DNAH5: variants seen among roughly 807,000 people sequenced by gnomAD.
DNAH5 encodes the protein dynein axonemal heavy chain 5.
A neutral mutation model predicts 518.2 loss-of-function variants in DNAH5; 372 were observed. That is an observed-to-expected ratio of 0.72 (90% confidence interval 0.66 to 0.78). The LOEUF (loss-of-function observed/expected upper bound fraction) is 0.78. Among genes scored for constraint, DNAH5 ranks in the 30% least tolerant of loss-of-function variants. The probability of loss-of-function intolerance (pLI) is 0.00; values close to 1 mark genes in which losing one functional copy is unlikely to be tolerated. For synonymous variants in DNAH5, 2,039 were observed against 2,025.9 expected, an observed-to-expected ratio of 1.01 and a Z score of -0.17; for missense variants, 5,523 against 5,687.0, an observed-to-expected ratio of 0.97 and a Z score of 0.93.
chr5:13,786,303 G>A lies in DNAH5; in HGVS notation c.8696C>T (p.Pro2899Leu). 1.2e-6 allele frequency: 2 copies of A among 1,614,020 alleles called. No individual in the cohort carries two copies. Among genetic ancestry groups the A allele is most frequent in the Non-Finnish European group, 1.7e-6 (2 of 1,180,008 alleles). ...ADAETPKIYE[P>L]IESFSHLKER... ...TTTTAGGTGACTAAAAGATTCAATT[G>A]GCTCATAAATTTTAGGTGTTTCAGC... is the stretch of plus-strand genomic sequence containing the variant. The change falls in exon 52 of 79, where the codon CCA (proline) becomes CTA (leucine). Residue 2899 changes from proline to leucine, a missense_variant. Around this residue, in one of 3 missense-constraint regions of DNAH5, gnomAD observed 5,121 missense variants for 5,223.3 expected, o/e 0.98. Transcript: ENST00000265104.
chr5:13,742,930 A>G (rs1221282175), intron 65 of DNAH5, among the ~76,000 whole-genome samples: 1 of 152,080 alleles, frequency 6.6e-6, no homozygotes, highest in East Asian at 1.9e-4. Context: ...AAAAAAAAAT[A>G]GAACAATTGT....
chr5:13,842,161 C>T (rs1019452292), intron 32 of DNAH5, among the ~76,000 whole-genome samples: 4 of 151,794 alleles, frequency 2.6e-5, no homozygotes, highest in Admixed American at 6.6e-5. Flanking sequence ...AGGTGGATCA[C>T]CTGAGGTCTG....
At chr5:13,879,532 G>C (rs551719941) in intron 21 of DNAH5, among the ~76,000 whole-genome samples, 172 of 152,118 alleles carry the variant, frequency 1.1e-3, no homozygotes, top group African/African-American at 4.0e-3. Flanking sequence ...GGGACCATCT[G>C]TAATATTCAT....
intron 49 of DNAH5, 27 bp from the exon 50 acceptor site, chr5:13,792,244 TG>T: frequency 6.3e-7 from 1 of 1,577,638 alleles, no homozygotes; most frequent in South Asian, 1.1e-5. Context: ...TACAGCATTT[TG>T]ATTAGCCATT....
At chr5:13,941,115 G>C (rs1779421362) in intron 1 of DNAH5, among the ~76,000 whole-genome samples, 1 of 152,200 alleles carries the variant, frequency 6.6e-6, no homozygotes, top group Admixed American at 6.5e-5. Flanking sequence ...CACTTTGGGA[G>C]GCTGAGGCGG....
chr5:13,940,941 T>C lies in DNAH5; in HGVS notation c.57+3441A>G, dbSNP rs140135263. On this transcript the variant is annotated intron_variant, in intron 1 of 78. Transcript: ENST00000265104. The stretch of plus-strand genomic sequence containing the variant: ...TACAAAGTAGGCATCCAAGAGAGAT[T>C]TGTGGAATGGATAAGTTTTGCACAT... Among the ~76,000 whole-genome samples the C allele has an allele frequency of 5.0e-3, 768 of 152,342 alleles. 3 individuals carry two copies. The highest frequency in any genetic ancestry group is 7.2e-3 in the Non-Finnish European group (493 of 68,032).
At chr5:13,954,052 G>A (rs905437267) in intron 1 of DNAH5, among the ~76,000 whole-genome samples, 3 of 152,100 alleles carry the variant, frequency 2.0e-5, no homozygotes, top group Non-Finnish European at 2.9e-5. Context: ...GACCCTAAAG[G>A]TCAAACCTGG....
At chr5:13,723,365 T>G (rs1260206367) in intron 70 of DNAH5, among the ~76,000 whole-genome samples, 2 of 152,198 alleles carry the variant, frequency 1.3e-5, no homozygotes, top group Non-Finnish European at 2.9e-5. Flanking sequence ...CAGTTGCAGC[T>G]GTTTCTCAGC....
At chr5:13,712,847 TC>T (rs1354046125) in intron 75 of DNAH5, among the ~76,000 whole-genome samples, 1 of 152,054 alleles carries the variant, frequency 6.6e-6, no homozygotes, top group Non-Finnish European at 1.5e-5. Context: ...GATGCAGTGA[TC>T]AAGGAACACT....
intron 33 of DNAH5, 31 bp from the exon 34 acceptor site, chr5:13,841,161 T>A: frequency 6.6e-7 from 1 of 1,516,162 alleles, no homozygotes; most frequent in South Asian, 1.1e-5. Context: ...TTCATGAATT[T>A]GTATGGCATA....
chr5:13,756,367 T>C (rs1291025475), intron 61 of DNAH5, among the ~76,000 whole-genome samples: 1 of 152,166 alleles, frequency 6.6e-6, no homozygotes, highest in African/African-American at 2.4e-5. Flanking sequence ...AATTTGACAT[T>C]TGTTGAAATT....
At position 13,902,136 on chromosome 5, in the gene DNAH5, G is replaced by C. The variant is rs139160176; in HGVS notation, c.1647C>G (p.Asn549Lys). The C allele has an allele frequency of 0.014, 22,993 of 1,599,012 alleles. 186 individuals are homozygous for C. The highest frequency in any genetic ancestry group is 0.017 in the Non-Finnish European group (19,812 of 1,168,558). ...TAACATCCATGAACTTCCGCAACTC[G>C]TTCTAAAACAGAATAAAATCTGATG... ...EFCKQTNDLH[N>K]ELRKFMDVTF... Residue 549 changes from asparagine to lysine, a missense_variant and splice_region_variant, in exon 13 of 79, where the codon AAC becomes AAG. Asn to Lys is a moderately conservative substitution (Grantham distance 94). This residue lies in a region of DNAH5 where 5,121 missense variants were observed against 5,223.3 expected (regional missense o/e 0.98). Transcript: ENST00000265104.
chr5:13,949,414 C>T (rs1272203382), upstream of DNAH5, among the ~76,000 whole-genome samples: 34 of 152,178 alleles, frequency 2.2e-4, no homozygotes, highest in Non-Finnish European at 5.9e-5. Context: ...GAGCTATACT[C>T]ACAAAAGAAG....
intron 1 of DNAH5, among the ~76,000 whole-genome samples, chr5:13,995,290 T>C (rs1783861198): frequency 6.6e-6 from 1 of 152,276 alleles, no homozygotes; most frequent in Middle Eastern, 3.4e-3. Flanking sequence ...TGCCCTGATG[T>C]CCAAACCCCC....
intron 1 of DNAH5, among the ~76,000 whole-genome samples, chr5:13,997,675 C>T (rs1044762866): frequency 3.9e-5 from 6 of 152,294 alleles, no homozygotes; most frequent in African/African-American, 7.2e-5. Flanking sequence ...CCAAACTCTT[C>T]CAGCCTCTGC....
At chr5:13,865,944 T>C (rs776028039) in intron 26 of DNAH5, 38 bp from the exon 27 acceptor site, 5 of 1,331,836 alleles carry the variant, frequency 3.8e-6, no homozygotes, top group Middle Eastern at 4.0e-4. Flanking sequence ...CAAAATGATT[T>C]ATACATGATC....
chr5:13,864,346 A>G (rs767285630), intron 28 of DNAH5, 51 bp downstream of exon 28: 3 of 1,608,192 alleles, frequency 1.9e-6, no homozygotes, highest in Non-Finnish European at 2.5e-6. Flanking sequence ...TAGAAATGTT[A>G]TCAAATAAAT....
intron 47 of DNAH5, 37 bp downstream of exon 47, chr5:13,807,554 A>T: frequency 6.2e-7 from 1 of 1,607,438 alleles, no homozygotes; most frequent in Non-Finnish European, 8.5e-7. Flanking sequence ...GTTTATCACA[A>T]AATTGGGCTT....
chr5:13,999,654 G>C (rs908285784), intron 1 of DNAH5, among the ~76,000 whole-genome samples: 5 of 152,198 alleles, frequency 3.3e-5, no homozygotes, highest in African/African-American at 4.8e-5. Flanking sequence ...ATAAACACGA[G>C]AACACTGCTA....
Sources: gnomAD v4.1 joint callset for allele counts (sites outside exome capture counted in the v4.1 genomes callset) on GRCh38, gnomAD v4.1.1 for gene constraint, gnomAD v4.1.1 regional missense constraint, MANE v1.5 for transcripts, NCBI Gene and HGNC (gene_info 2026-07-23, HGNC 2026-07-21) for gene names.